The following ZNF148 variants were observed in gnomAD, a reference collection of about 807,000 sequenced individuals.
The protein encoded by ZNF148 is Beta-Enolase Repressor Factor-1.
A neutral mutation model predicts 67.7 loss-of-function variants in ZNF148; 7 were observed. The observed-to-expected ratio is 0.10, with a 90% confidence interval of 0.06 to 0.19. The LOEUF (loss-of-function observed/expected upper bound fraction) is 0.19. ZNF148 is among the 10% of genes least tolerant of loss of function. The probability of loss-of-function intolerance (pLI) is 1.00; values close to 1 mark genes in which losing one functional copy is unlikely to be tolerated. For missense variants in ZNF148, 583 were observed against 947.1 expected (o/e 0.62, Z 5.05); for synonymous variants, 333 against 330.7 (o/e 1.01, Z -0.08).
At chr3:125,374,913 T>G in intron 1 of ZNF148, among the ~76,000 whole-genome samples, 189 bp downstream of exon 1, 1 of 139,206 alleles carries the variant, frequency 7.2e-6, no homozygotes, top group East Asian at 2.3e-4. Context: ...CGCGCCCTGC[T>G]TCCTCACGTC....
intron 7 of ZNF148, among the ~76,000 whole-genome samples, chr3:125,259,265 C>T (rs1025104990): frequency 6.6e-6 from 1 of 152,136 alleles, no homozygotes; most frequent in African/African-American, 2.4e-5. Flanking sequence ...TGAAAAAATG[C>T]TCAACATGTT....
chr3:125,357,171 C>T (rs1942373436), intron 1 of ZNF148: 1 of 152,222 alleles, frequency 6.6e-6, no homozygotes, highest in Admixed American at 6.5e-5. Context: ...CTGACTGCGC[C>T]AGCGGGGCAG....
chr3:125,281,535 C>T (rs1938386093), intron 5 of ZNF148, among the ~76,000 whole-genome samples: 1 of 152,142 alleles, frequency 6.6e-6, no homozygotes, highest in Non-Finnish European at 1.5e-5. Context: ...TGTGGCATAG[C>T]AACTGCAAGG....
chr3:125,280,180 T>G (rs2107610389), intron 5 of ZNF148, among the ~76,000 whole-genome samples: 1 of 152,166 alleles, frequency 6.6e-6, no homozygotes, highest in South Asian at 2.1e-4. Context: ...AAGTACTGAA[T>G]AAGAAAATTA....
At chr3:125,252,849 G>A (rs1425236015) in intron 7 of ZNF148, among the ~76,000 whole-genome samples, 1 of 151,522 alleles carries the variant, frequency 6.6e-6, no homozygotes, top group East Asian at 1.9e-4. Context: ...TGTACATCAA[G>A]TGAATGTAAT....
chr3:125,291,803 G>T (rs991553741), intron 4 of ZNF148, among the ~76,000 whole-genome samples: 8 of 152,090 alleles, frequency 5.3e-5, no homozygotes, highest in Admixed American at 2.6e-4. Context: ...AGAAATGGTT[G>T]TTCTGAGAGT....
intron 7 of ZNF148, among the ~76,000 whole-genome samples, chr3:125,268,580 G>A (rs1937593078): frequency 6.6e-6 from 1 of 152,132 alleles, no homozygotes. Flanking sequence ...AGACTTAAAT[G>A]TAAAACAAAA....
At chr3:125,248,899 AAG>A (rs1308474892) in intron 7 of ZNF148, among the ~76,000 whole-genome samples, 1 of 152,208 alleles carries the variant, frequency 6.6e-6, no homozygotes, top group Non-Finnish European at 1.5e-5. Context: ...GTTCTGCTGC[AAG>A]AGGTCTATTT....
intron 4 of ZNF148, among the ~76,000 whole-genome samples, chr3:125,309,727 G>A (rs1472978962): frequency 1.3e-5 from 2 of 152,200 alleles, no homozygotes; most frequent in African/African-American, 4.8e-5. Flanking sequence ...TATACATCTC[G>A]TTTGGAAAGA....
rs951102582 is a variant in ZNF148, at chr3:125,230,922, A to AGT, written c.*1417_*1418dup. 106 of 152,290 alleles carry AGT rather than the reference A, an allele frequency of 7.0e-4. No homozygotes were observed. Among genetic ancestry groups the AGT allele is most frequent in the Non-Finnish European group, 6.0e-4 (41 of 67,898 alleles). 9.4% of individuals were successfully genotyped at this position (152,290 alleles called of 1,614,324 possible). A position where few individuals can be genotyped will look rare whatever the true frequency, so the allele number is the denominator to read the frequency against. ...AACTCAAACCATCATTCTTCAGAAA[A>AGT]GTGTGTGTGTGTATATATACATAAA... On this transcript the variant is annotated 3_prime_UTR_variant, in exon 9 of 9. Coordinates refer to ENST00000360647, the MANE Select transcript of ZNF148 (RefSeq NM_021964.3).
At chr3:125,328,553 T>G (rs1013834645) in intron 2 of ZNF148, among the ~76,000 whole-genome samples, 1 of 152,080 alleles carries the variant, frequency 6.6e-6, no homozygotes, top group African/African-American at 2.4e-5. Context: ...ATATACACTA[T>G]GTATGTTACC....
At position 125,288,142 on chromosome 3, in the gene ZNF148, T is replaced by C. The variant is rs760417673; in HGVS notation, c.420A>G (p.Leu140=). Residue 140 remains leucine (L), a synonymous_variant, in exon 5 of 9, where the codon TTA becomes TTG. Coordinates refer to ENST00000360647, the MANE Select transcript of ZNF148 (RefSeq NM_021964.3). ...GTTGTTTCCGCTTCTTCTTTTTCTG[T>C]AAGTCTACTGGCTCTCTGATTTGTT... ...DKKQIREPVD[L]QKKKKRKQRS... is the part of the protein sequence containing the mutation. 2.5e-6 allele frequency: 4 copies of C among 1,613,846 alleles called. No homozygotes were observed. Among genetic ancestry groups the C allele is most frequent in the South Asian group, 1.1e-5 (1 of 91,088 alleles).
In ZNF148 at chr3:125,369,261, C is replaced by CCAA. The variant is rs1360206822; in HGVS notation, c.-234+5840_-234+5841insTTG. 3.6e-3 allele frequency among the ~76,000 whole-genome samples: 46 copies of CCAA among 12,890 alleles called. 3 individuals carry two copies. Among genetic ancestry groups the CCAA allele is most frequent in the South Asian group, 5.4e-3 (1 of 186 alleles). The allele number at this position is 12,890 out of a possible 152,430, so 8.5% of individuals were successfully genotyped here. On this transcript the variant is annotated intron_variant, in intron 1 of 8. Transcript: ENST00000360647. ...TGAGTGACAGAGTGAGATCCTGCCTCAAAAAAAAAAAAAAAAAAAAAAAAA... is the reference window on the plus strand; with the variant it reads ...TGAGTGACAGAGTGAGATCCTGCCTCCAAAAAAAAAAAAAAAAAAAAAAAAAAA...
chr3:125,243,792 T>C (rs558986848), intron 7 of ZNF148, among the ~76,000 whole-genome samples: 21 of 152,284 alleles, frequency 1.4e-4, no homozygotes, highest in Non-Finnish European at 2.5e-4. Context: ...TCCCAAAGTA[T>C]TGTGATTACA....
At chr3:125,265,848 T>G (rs1024634578) in intron 7 of ZNF148, among the ~76,000 whole-genome samples, 1 of 152,178 alleles carries the variant, frequency 6.6e-6, no homozygotes, top group Admixed American at 6.6e-5. Flanking sequence ...CATTTTGTTT[T>G]TTTAATTAAT....
Position 125,313,148 on chromosome 3 carries a change from T to C in ZNF148, c.333+160A>G, listed in dbSNP as rs115710477. 6.5e-3 allele frequency among the ~76,000 whole-genome samples: 993 copies of C among 152,358 alleles called. 12 individuals are homozygous for C. Among genetic ancestry groups the C allele is most frequent in the African/African-American group, 0.022 (919 of 41,584 alleles). ...AAAATAATATAATACAAGAACTTAA[T>C]TTTGCCTTTCAAATATGATTTATGT... On this transcript the variant is annotated intron_variant, in intron 4 of 8. Coordinates refer to ENST00000360647, the MANE Select transcript of ZNF148 (RefSeq NM_021964.3).
In ZNF148 at chr3:125,234,337, A is replaced by G. The variant is rs1935984254; in HGVS notation, c.668-8T>C. The G allele has an allele frequency of 2.6e-6, 4 of 1,553,958 alleles. No individual in the cohort carries two copies. The highest frequency in any genetic ancestry group is 3.5e-6 in the Non-Finnish European group (4 of 1,133,086). ...AGCGAAATGGTTTTTCACCTAGCACATAATATAGAAAGTTTAAAACAAAAC... is the reference window on the plus strand; with the variant it reads ...AGCGAAATGGTTTTTCACCTAGCACGTAATATAGAAAGTTTAAAACAAAAC... On this transcript the variant is annotated splice_polypyrimidine_tract_variant and splice_region_variant and intron_variant, in intron 7 of 8. Transcript: ENST00000360647.
chr3:125,315,241 T>C (rs1208278168), intron 3 of ZNF148, among the ~76,000 whole-genome samples: 13 of 152,144 alleles, frequency 8.5e-5, no homozygotes, highest in Non-Finnish European at 1.5e-4. Flanking sequence ...AAGAATCAAC[T>C]GGTGAAAAGT....
intron 7 of ZNF148, among the ~76,000 whole-genome samples, chr3:125,248,286 G>C (rs927121805): frequency 2.0e-5 from 3 of 152,128 alleles, no homozygotes; most frequent in African/African-American, 7.2e-5. Context: ...TTTTAAATTA[G>C]TCATGTCTAT....
Sources: allele counts gnomAD v4.1 joint callset (sites outside exome capture counted in the v4.1 genomes callset), GRCh38; gene constraint gnomAD v4.1.1; transcripts MANE v1.5; gene names NCBI Gene and HGNC (gene_info 2026-07-23, HGNC 2026-07-21).